Variants in DCLK1 observed in about 807,000 individuals in gnomAD.
DCLK1 encodes the protein serine/threonine-protein kinase DCLK1.
Under a neutral mutation model 86.2 loss-of-function variants are expected in DCLK1, and 16 were observed. The ratio of observed to expected loss-of-function variants is 0.19; its 90% CI spans 0.13 to 0.28. The LOEUF (loss-of-function observed/expected upper bound fraction) is 0.28. DCLK1 is among the 10% of genes least tolerant of loss of function. The probability of loss-of-function intolerance (pLI) is 1.00; values close to 1 mark genes in which losing one functional copy is unlikely to be tolerated. For synonymous variants in DCLK1, 369 were observed against 370.5 expected (o/e 1.00, Z 0.05); for missense variants, 590 against 940.2 (o/e 0.63, Z 4.87).
chr13:35,969,730 G>A (rs1021070652), intron 3 of DCLK1, among the ~76,000 whole-genome samples: 4 of 152,142 alleles, frequency 2.6e-5, no homozygotes, highest in Admixed American at 6.5e-5. Context: ...AAAATCAGTG[G>A]TGACTTGGTT....
intron 3 of DCLK1, among the ~76,000 whole-genome samples, chr13:35,981,005 G>A (rs979122822): frequency 6.6e-6 from 1 of 151,368 alleles, no homozygotes; most frequent in Non-Finnish European, 1.5e-5. Context: ...AAATGGATGG[G>A]GGAAAAAAAT....
At position 36,111,022 on chromosome 13, in the gene DCLK1, G is replaced by C. The variant is rs1185258207; in HGVS notation, c.723+847C>G. On this transcript the variant is annotated intron_variant, in intron 3 of 16. Transcript: ENST00000360631. ...ATTTTTTTTTTTTATTTTGAGTAGA[G>C]ACGGGGTTTCACCCTGTTAGCCAGG... Among the ~76,000 whole-genome samples the C allele has an allele frequency of 4.0e-5, 6 of 151,594 alleles. No homozygotes were observed. The South Asian group carries it at 1.3e-3, about 32-fold the overall frequency.
chr13:35,888,680 GT>G (rs1338207269), intron 4 of DCLK1, among the ~76,000 whole-genome samples: 2 of 152,192 alleles, frequency 1.3e-5, no homozygotes, highest in Non-Finnish European at 2.9e-5. Context: ...CAGTTGACTT[GT>G]GGCCAAGACG....
At chr13:36,018,176 C>T (rs567545366) in intron 3 of DCLK1, among the ~76,000 whole-genome samples, 1 of 152,190 alleles carries the variant, frequency 6.6e-6, no homozygotes, top group South Asian at 2.1e-4. Context: ...GATTTCTCTA[C>T]ACTACACATT....
intron 6 of DCLK1, chr13:35,850,576 T>C (rs1870539608): frequency 8.7e-6 from 11 of 1,264,366 alleles, no homozygotes; most frequent in Non-Finnish European, 1.1e-5. Flanking sequence ...ACAAAATGCA[T>C]ACATATTTAC....
chr13:35,866,962 T>C (rs12428086), intron 5 of DCLK1, among the ~76,000 whole-genome samples: 38,366 of 151,362 alleles, frequency 0.25, 4,922 homozygotes, highest in Admixed American at 0.34. Flanking sequence ...GAGAGAGGGG[T>C]TTCCCTGACA....
intron 3 of DCLK1, among the ~76,000 whole-genome samples, chr13:35,971,134 G>A (rs1184537787): frequency 6.6e-6 from 1 of 152,188 alleles, no homozygotes; most frequent in African/African-American, 2.4e-5. Flanking sequence ...ACAACCAACT[G>A]AAGTTATAAG....
At position 35,827,317 on chromosome 13, in the gene DCLK1, T is replaced by C. The variant is rs1392438223; in HGVS notation, c.1407+318A>G. 3.9e-5 allele frequency among the ~76,000 whole-genome samples: 6 copies of C among 152,324 alleles called. No homozygotes were observed. The Middle Eastern group carries it at 0.01, about 259-fold the overall frequency. On this transcript the variant is annotated intron_variant, in intron 10 of 16. Transcript: ENST00000360631. ...GACAATTGTATTGGTACCTAATGCT[T>C]TGTGTGTCACACAAACTGGTGGAAG...
At chr13:35,828,034 G>A (rs1232570094) in intron 9 of DCLK1, among the ~76,000 whole-genome samples, 1 of 152,138 alleles carries the variant, frequency 6.6e-6, no homozygotes, top group African/African-American at 2.4e-5. Flanking sequence ...AAGAGAGTAA[G>A]CAAACAAAAA....
intron 3 of DCLK1, among the ~76,000 whole-genome samples, chr13:36,109,409 T>C (rs1219708433): frequency 1.3e-5 from 2 of 152,232 alleles, no homozygotes; most frequent in African/African-American, 4.8e-5. Context: ...GGTACAGTGG[T>C]TACCAGCACA....
At chr13:36,085,798 T>C (rs1884572562) in intron 3 of DCLK1, among the ~76,000 whole-genome samples, 1 of 149,266 alleles carries the variant, frequency 6.7e-6, no homozygotes, top group African/African-American at 2.5e-5. Flanking sequence ...GAGAGACACA[T>C]GGGCAGACCA....
chr13:36,092,483 C>CTTTTTTTTTTTTTTTT (rs71084405), intron 3 of DCLK1, among the ~76,000 whole-genome samples: 1 of 84,946 alleles, frequency 1.2e-5, no homozygotes, highest in Non-Finnish European at 2.3e-5. Flanking sequence ...GAGGCGTTTT[C>CTTTTTTTTTTTTTTTT]TTTTTTTTTT....
chr13:36,119,950 G>A (rs1419800952), intron 2 of DCLK1, among the ~76,000 whole-genome samples: 1 of 152,068 alleles, frequency 6.6e-6, no homozygotes, highest in Non-Finnish European at 1.5e-5. Context: ...ATGGGTGAAG[G>A]GTAAACAGGA....
At chr13:35,917,536 G>C (rs898667469) in intron 4 of DCLK1, among the ~76,000 whole-genome samples, 1 of 152,180 alleles carries the variant, frequency 6.6e-6, no homozygotes, top group African/African-American at 2.4e-5. Context: ...GACTTAGGAG[G>C]TGGAGGACAA....
intron 11 of DCLK1, among the ~76,000 whole-genome samples, chr13:35,818,460 GCA>G (rs2087319002): frequency 6.6e-6 from 1 of 152,196 alleles, no homozygotes; most frequent in African/African-American, 2.4e-5. Context: ...CTGGGAGCAG[GCA>G]CAAACACTTG....
intron 4 of DCLK1, among the ~76,000 whole-genome samples, chr13:35,872,871 T>C (rs1197402202): frequency 6.6e-6 from 1 of 152,190 alleles, no homozygotes; most frequent in Non-Finnish European, 1.5e-5. Context: ...TTTATAAAAA[T>C]GGCAAGATAG....
At chr13:35,796,350 G>GA (rs2086811694) in intron 15 of DCLK1, among the ~76,000 whole-genome samples, 1 of 152,166 alleles carries the variant, frequency 6.6e-6, no homozygotes. Context: ...GTGGTCTTAG[G>GA]ATAAGAAGCT....
At chr13:36,025,489 A>G (rs1223631917) in intron 3 of DCLK1, among the ~76,000 whole-genome samples, 3 of 152,242 alleles carry the variant, frequency 2.0e-5, no homozygotes, top group Non-Finnish European at 4.4e-5. Flanking sequence ...AATGTTCATC[A>G]TTGATTAATT....
At chr13:35,902,070 G>C (rs1055817874) in intron 4 of DCLK1, among the ~76,000 whole-genome samples, 2 of 152,144 alleles carry the variant, frequency 1.3e-5, no homozygotes, top group East Asian at 3.9e-4. Context: ...AACAAATCTA[G>C]ATTTGCTTTA....
Sources: gnomAD v4.1 joint callset for allele counts (sites outside exome capture counted in the v4.1 genomes callset) on GRCh38, gnomAD v4.1.1 for gene constraint, MANE v1.5 for transcripts, NCBI Gene and HGNC (gene_info 2026-07-23, HGNC 2026-07-21) for gene names.